The following GRIA4 variants were observed in gnomAD, a reference collection of about 807,000 sequenced individuals.
GRIA4 encodes the protein glutamate ionotropic receptor AMPA type subunit 4, also known as glutamate receptor 4.
In GRIA4, 34 loss-of-function variants were observed where a neutral mutation model predicts 104.0. The ratio of observed to expected loss-of-function variants is 0.33; its 90% CI spans 0.25 to 0.44. The LOEUF is 0.44. Ranked by LOEUF, GRIA4 falls within the 20% of genes least tolerant of loss-of-function variation. The probability of loss-of-function intolerance (pLI) is 1.00; values close to 1 mark genes in which losing one functional copy is unlikely to be tolerated. For missense variants in GRIA4, 750 were observed against 1,096.5 expected (o/e 0.68, Z 4.46); for synonymous variants, 386 against 381.9 (o/e 1.01, Z -0.13).
rs931718664 is a variant in GRIA4, at chr11:105,752,862, C to T, written c.248-119C>T. The stretch of plus-strand genomic sequence containing the variant: ...CTTCACTTATACTCTTTATCTTATA[C>T]TCCTGACAGATCCAATGATTCAGTG... On this transcript the variant is annotated intron_variant, in intron 3 of 16. Coordinates refer to ENST00000282499, the MANE Select transcript of GRIA4 (RefSeq NM_000829.4). 5.7e-5 allele frequency: 51 copies of T among 898,432 alleles called. 1 individual carries two copies. In the South Asian group the frequency reaches 6.5e-4, roughly 11 times the overall value. 55.7% of individuals were successfully genotyped at this position (898,432 alleles called of 1,614,324 possible).
At chr11:105,940,407 G>A (rs1460077140) in intron 14 of GRIA4, among the ~76,000 whole-genome samples, 1 of 151,930 alleles carries the variant, frequency 6.6e-6, no homozygotes, top group Non-Finnish European at 1.5e-5. Flanking sequence ...AAAGAATAGA[G>A]GGAGGAAGTA....
chr11:105,850,921 T>C (rs997134719), intron 4 of GRIA4, among the ~76,000 whole-genome samples: 1 of 152,152 alleles, frequency 6.6e-6, no homozygotes, highest in Non-Finnish European at 1.5e-5. Flanking sequence ...GGAATTAAGT[T>C]TGCATTGTAT....
intron 3 of GRIA4, among the ~76,000 whole-genome samples, chr11:105,722,418 G>A (rs1315225375): frequency 6.6e-6 from 1 of 152,070 alleles, no homozygotes; most frequent in Non-Finnish European, 1.5e-5. Context: ...CTTATGATTT[G>A]TTCTACTTAT....
intron 3 of GRIA4, among the ~76,000 whole-genome samples, chr11:105,748,801 T>C (rs1348646726): frequency 6.6e-6 from 1 of 152,084 alleles, no homozygotes; most frequent in African/African-American, 2.4e-5. Flanking sequence ...TAGAAGATAA[T>C]GTGAAAAAGG....
At position 105,878,065 on chromosome 11, in the gene GRIA4, T is replaced by C. The variant is rs536818555; in HGVS notation, c.673-9454T>C. Among the ~76,000 whole-genome samples, 8 of 152,326 alleles carry C rather than the reference T, an allele frequency of 5.3e-5. No homozygotes were observed. The East Asian group carries it at 1.5e-3, about 29-fold the overall frequency. On this transcript the variant is annotated intron_variant, in intron 5 of 16. Coordinates refer to ENST00000282499, the MANE Select transcript of GRIA4 (RefSeq NM_000829.4). ...CATGGATTTATCTACCTTTTGTCTT[T>C]GATGTTGGTGACCTTCAGATGGGGT...
At chr11:105,912,302 T>C in intron 10 of GRIA4, 14 of 974,748 alleles carry the variant, frequency 1.4e-5, no homozygotes, top group Non-Finnish European at 1.5e-5. Flanking sequence ...TCTTTAAAGA[T>C]CTCTTGGAAT....
intron 3 of GRIA4, among the ~76,000 whole-genome samples, chr11:105,749,097 G>C (rs1939845523): frequency 6.6e-6 from 1 of 152,166 alleles, no homozygotes; most frequent in Non-Finnish European, 1.5e-5. Context: ...CCAAGAGAGA[G>C]CATAGTTGTG....
chr11:105,821,875 T>TA (rs1377262145), intron 4 of GRIA4, among the ~76,000 whole-genome samples: 23 of 152,242 alleles, frequency 1.5e-4, no homozygotes, highest in African/African-American at 5.3e-4. Context: ...TGACTTATCA[T>TA]ATTAAGCCGA....
At chr11:105,680,394 G>A (rs966053843) in intron 3 of GRIA4, among the ~76,000 whole-genome samples, 16 of 152,102 alleles carry the variant, frequency 1.1e-4, no homozygotes, top group African/African-American at 3.4e-4. Flanking sequence ...CTTGCCCAGC[G>A]CCCCAGACCT....
intron 3 of GRIA4, among the ~76,000 whole-genome samples, chr11:105,735,414 A>T (rs1938872566): frequency 6.6e-6 from 1 of 152,286 alleles, no homozygotes; most frequent in South Asian, 2.1e-4. Context: ...ACCCATTAGC[A>T]AATATCCACA....
intron 4 of GRIA4, among the ~76,000 whole-genome samples, chr11:105,805,175 C>T (rs911249401): frequency 5.3e-5 from 8 of 151,594 alleles, no homozygotes; most frequent in African/African-American, 1.9e-4. Flanking sequence ...TCTGTAATAC[C>T]GACTTTTACT....
intron 3 of GRIA4, among the ~76,000 whole-genome samples, chr11:105,618,455 G>T (rs1950656468): frequency 6.6e-6 from 1 of 151,964 alleles, no homozygotes; most frequent in Non-Finnish European, 1.5e-5. Flanking sequence ...CAGAATTTTT[G>T]ATGGAACTTA....
At chr11:105,640,045 T>C (rs1893521) in intron 3 of GRIA4, among the ~76,000 whole-genome samples, 12,643 of 151,972 alleles carry the variant, frequency 0.083, 726 homozygotes, top group Admixed American at 0.18. Flanking sequence ...AATAGGTAGA[T>C]AATATTTTTA....
chr11:105,644,879 G>T (rs146873041), intron 3 of GRIA4, among the ~76,000 whole-genome samples: 1 of 152,072 alleles, frequency 6.6e-6, no homozygotes, highest in East Asian at 1.9e-4. Flanking sequence ...CTCCTGAATC[G>T]ATAGGAAGGA....
chr11:105,957,269 T>C (rs1948615272), intron 14 of GRIA4, among the ~76,000 whole-genome samples: 1 of 152,200 alleles, frequency 6.6e-6, no homozygotes, highest in African/African-American at 2.4e-5. Flanking sequence ...CTTTAATCCA[T>C]CTTGAATTAA....
chr11:105,734,917 C>T (rs1289543311), intron 3 of GRIA4, among the ~76,000 whole-genome samples: 1 of 152,142 alleles, frequency 6.6e-6, no homozygotes, highest in Non-Finnish European at 1.5e-5. Flanking sequence ...TGTCCCCCAG[C>T]ACCTGGCAGT....
intron 3 of GRIA4, among the ~76,000 whole-genome samples, chr11:105,671,729 C>CAATAT (rs1952381011): frequency 7.4e-6 from 1 of 135,462 alleles, no homozygotes; most frequent in Non-Finnish European, 1.6e-5. Flanking sequence ...ATTTTATAGT[C>CAATAT]AATATATTAT....
chr11:105,842,531 G>C (rs558535161), intron 4 of GRIA4, among the ~76,000 whole-genome samples: 1 of 152,174 alleles, frequency 6.6e-6, no homozygotes, highest in East Asian at 1.9e-4. Context: ...AGAACCAAAG[G>C]GGTTTACTGA....
At chr11:105,696,369 G>A (rs1464940346) in intron 3 of GRIA4, among the ~76,000 whole-genome samples, 3 of 152,070 alleles carry the variant, frequency 2.0e-5, no homozygotes, top group African/African-American at 7.2e-5. Context: ...CTATTCTAAT[G>A]TATATCACAG....
Sources: allele counts gnomAD v4.1 joint callset (sites outside exome capture counted in the v4.1 genomes callset), GRCh38; gene constraint gnomAD v4.1.1; transcripts MANE v1.5; gene names NCBI Gene and HGNC (gene_info 2026-07-23, HGNC 2026-07-21).